DNAH7: variants seen among roughly 807,000 people sequenced by gnomAD.
DNAH7 encodes the protein dynein axonemal heavy chain 7.
DNAH7 carries 397 observed loss-of-function variants against 444.6 expected under a neutral mutation model. The observed-to-expected ratio is 0.89, with a 90% CI of 0.82 to 0.97. DNAH7 has a LOEUF of 0.97. Ranked by LOEUF, DNAH7 falls within the 50% of genes least tolerant of loss-of-function variation. The pLI is 0.00. For synonymous variants in DNAH7, 1,636 were observed against 1,624.4 expected, an observed-to-expected ratio of 1.01 and a Z score of -0.17; for missense variants, 4,902 against 4,800.8, an observed-to-expected ratio of 1.02 and a Z score of -0.62.
intron 63 of DNAH7, among the ~76,000 whole-genome samples, chr2:195,741,503 C>G (rs1289056302): frequency 6.6e-6 from 1 of 152,084 alleles, no homozygotes; most frequent in African/African-American, 2.4e-5. Flanking sequence ...TCAGTAAAGC[C>G]TCATGGATTG....
intron 21 of DNAH7, among the ~76,000 whole-genome samples, chr2:195,929,258 A>G (rs1014020141): frequency 6.6e-6 from 1 of 152,234 alleles, no homozygotes; most frequent in Admixed American, 6.5e-5. Flanking sequence ...TTCCATGCTC[A>G]TGGATTAGAA....
At chr2:195,949,194 G>A (rs1022419714) in intron 19 of DNAH7, among the ~76,000 whole-genome samples, 12 of 152,174 alleles carry the variant, frequency 7.9e-5, no homozygotes, top group Non-Finnish European at 1.6e-4. Flanking sequence ...TTTGGGCTGA[G>A]ACAATGGAGT....
At chr2:195,986,812 T>C (rs1026100724) in intron 14 of DNAH7, among the ~76,000 whole-genome samples, 7 of 152,200 alleles carry the variant, frequency 4.6e-5, no homozygotes, top group Admixed American at 4.6e-4. Flanking sequence ...ACTTGACTTG[T>C]GTAAAAGAAA....
chr2:196,009,603 G>T (rs902455208), intron 10 of DNAH7, among the ~76,000 whole-genome samples: 1 of 152,136 alleles, frequency 6.6e-6, no homozygotes, highest in Non-Finnish European at 1.5e-5. Flanking sequence ...ACATTGGTCT[G>T]GGCAAAGATG....
intron 30 of DNAH7, chr2:195,893,567 A>G (rs2125234284): frequency 6.6e-6 from 1 of 151,908 alleles, no homozygotes; most frequent in South Asian, 2.1e-4. Flanking sequence ...AACAAGCTCA[A>G]TATCTTTGCT....
At chr2:196,025,032 T>C (rs1467112263) in intron 7 of DNAH7, among the ~76,000 whole-genome samples, 1 of 152,192 alleles carries the variant, frequency 6.6e-6, no homozygotes, top group African/African-American at 2.4e-5. Flanking sequence ...GCATGTACAT[T>C]GTATGAGGTA....
intron 27 of DNAH7, chr2:195,902,576 G>C (rs1169703252): frequency 6.6e-6 from 1 of 152,090 alleles, no homozygotes; most frequent in African/African-American, 2.4e-5. Context: ...TCAACATCCA[G>C]GACTGTGTGT....
chr2:195,775,789 T>C, intron 60 of DNAH7, 57 bp downstream of exon 60: 1 of 1,570,596 alleles, frequency 6.4e-7, no homozygotes, highest in Non-Finnish European at 8.6e-7. Context: ...CTGGCACACG[T>C]GCCTGGGGAG....
chr2:195,994,334 G>A, intron 12 of DNAH7: 5 of 610,472 alleles, frequency 8.2e-6, no homozygotes, highest in South Asian at 5.3e-5. Flanking sequence ...CCTCCCCAAG[G>A]CTCAGGAGAC....
At chr2:195,969,922 T>C (rs1007944462) in intron 17 of DNAH7, 26 bp downstream of exon 17, 2 of 1,592,450 alleles carry the variant, frequency 1.3e-6, no homozygotes, top group Non-Finnish European at 1.7e-6. Flanking sequence ...AACTAATTCA[T>C]CTTTTTAAGA....
chr2:195,812,882 T>A (rs1180927850), intron 51 of DNAH7, among the ~76,000 whole-genome samples: 1 of 152,228 alleles, frequency 6.6e-6, no homozygotes, highest in African/African-American at 2.4e-5. Context: ...TGAGAACTCA[T>A]TCTCTTTTTA....
At chr2:195,762,084 AAGC>A in intron 61 of DNAH7, among the ~76,000 whole-genome samples, 1 of 152,212 alleles carries the variant, frequency 6.6e-6, no homozygotes, top group East Asian at 1.9e-4. Flanking sequence ...AAAAGTTAAA[AAGC>A]AGGAGGGATG....
At chr2:195,811,507 C>CGCCA (rs1559113794) in intron 51 of DNAH7, among the ~76,000 whole-genome samples, 1 of 152,082 alleles carries the variant, frequency 6.6e-6, no homozygotes, top group African/African-American at 2.4e-5. Context: ...CATGTCATCA[C>CGCCA]GCCAGGCTAA....
intron 15 of DNAH7, among the ~76,000 whole-genome samples, chr2:195,979,626 G>A (rs938171244): frequency 6.6e-6 from 1 of 151,816 alleles, no homozygotes; most frequent in African/African-American, 2.4e-5. Context: ...CATCAGAGCA[G>A]AAATAAATGA....
intron 21 of DNAH7, among the ~76,000 whole-genome samples, chr2:195,930,415 CAT>C (rs1025026166): frequency 2.0e-5 from 3 of 152,060 alleles, no homozygotes; most frequent in Admixed American, 1.3e-4. Context: ...GACCAAAAAA[CAT>C]ATGAAAAATG....
At position 195,775,826 on chromosome 2, in the gene DNAH7, G is replaced by C; in HGVS notation, c.11202+20C>G. 6.2e-7 allele frequency: 1 copy of C among 1,612,384 alleles called. No homozygotes were observed. Among genetic ancestry groups the C allele is most frequent in the Non-Finnish European group, 8.5e-7 (1 of 1,179,082 alleles). On this transcript the variant is annotated intron_variant, in intron 60 of 64. Coordinates refer to ENST00000312428, the MANE Select transcript of DNAH7 (RefSeq NM_018897.3). ...ATCCTTCCCAGGCCTCAGAATCCAG[G>C]TCCTATACAGATCACACACCTGTGT...
Position 195,897,653 on chromosome 2 carries a change from A to C in DNAH7, c.4647+14T>G. On this transcript the variant is annotated intron_variant, in intron 29 of 64. Transcript: ENST00000312428. Reference sequence around the variant, plus strand: ...ATAAGAGTTTTGATGCATTGGGATAATGAATGTTCTTACCTCAAAGAGTGG... The same window carrying C: ...ATAAGAGTTTTGATGCATTGGGATACTGAATGTTCTTACCTCAAAGAGTGG... 6.8e-7 allele frequency: 1 copy of C among 1,461,424 alleles called. No individual in the cohort carries two copies. The highest frequency in any genetic ancestry group is 9.5e-7 in the Non-Finnish European group (1 of 1,057,470). 90.5% of individuals were successfully genotyped at this position (1,461,424 alleles called of 1,614,324 possible).
chr2:195,935,349 C>T (rs1688977823), intron 20 of DNAH7, among the ~76,000 whole-genome samples: 1 of 152,152 alleles, frequency 6.6e-6, no homozygotes, highest in African/African-American at 2.4e-5. Flanking sequence ...TAACCCGTTG[C>T]ATTCATCTTT....
At position 195,875,738 on chromosome 2, in the gene DNAH7, G is replaced by T. The variant is rs1338784675; in HGVS notation, c.6223C>A (p.Leu2075Ile). ...QWLDHWNWYD[L>I]KDCSMIKLVD... ...AGTTTAATCATGGAACAATCTTTTAGATCATACCAGTTCCAGTGGTCTAAC... is the reference window on the plus strand; with the variant it reads ...AGTTTAATCATGGAACAATCTTTTATATCATACCAGTTCCAGTGGTCTAAC... Residue 2075 changes from leucine (L) to isoleucine (I), a missense_variant, in exon 38 of 65, where the codon CTA (leucine) becomes ATA (isoleucine). By Grantham distance (5) the Leu-to-Ile change is conservative. Transcript: ENST00000312428. The T allele has an allele frequency of 6.2e-7, 1 of 1,613,084 alleles. No individual in the cohort carries two copies. The highest frequency in any genetic ancestry group is 8.5e-7 in the Non-Finnish European group (1 of 1,179,612).
Sources: gnomAD v4.1 joint callset for allele counts (sites outside exome capture counted in the v4.1 genomes callset) on GRCh38, gnomAD v4.1.1 for gene constraint, MANE v1.5 for transcripts, NCBI Gene and HGNC (gene_info 2026-07-23, HGNC 2026-07-21) for gene names.